The following TSC22D1 variants were observed in gnomAD, a reference collection of about 807,000 sequenced individuals.
TSC22D1 encodes TSC22 domain family member 1.
Under a neutral mutation model 74.2 loss-of-function variants are expected in TSC22D1, and 9 were observed. The ratio of observed to expected loss-of-function variants is 0.12; its 90% CI spans 0.07 to 0.21. TSC22D1 has a LOEUF of 0.21. TSC22D1 is among the 10% of genes least tolerant of loss of function. The pLI, the probability that TSC22D1 is intolerant of heterozygous loss-of-function variation, is 1.00. For missense variants in TSC22D1, 1,427 were observed against 1,304.7 expected, an observed-to-expected ratio of 1.09 and a Z score of -1.44; for synonymous variants, 586 against 492.5, an observed-to-expected ratio of 1.19 and a Z score of -2.51.
At chr13:44,458,565 G>C (rs2138941818) in intron 1 of TSC22D1, among the ~76,000 whole-genome samples, 1 of 152,188 alleles carries the variant, frequency 6.6e-6, no homozygotes, top group African/African-American at 2.4e-5. Context: ...TAGCAGGACA[G>C]AAGCCTGCAC....
intron 1 of TSC22D1, among the ~76,000 whole-genome samples, chr13:44,487,521 A>AAAAAAAG (rs1878496972): frequency 6.8e-6 from 1 of 147,818 alleles, no homozygotes; most frequent in African/African-American, 2.5e-5. Context: ...AAAAAAAAAA[A>AAAAAAAG]AAAAAAGAAA....
chr13:44,556,937 A>G (rs1882685042), intron 1 of TSC22D1, among the ~76,000 whole-genome samples: 1 of 151,576 alleles, frequency 6.6e-6, no homozygotes. Context: ...TGAGGTCGGG[A>G]GTTCGAGACC....
chr13:44,538,764 G>C (rs1881298527), intron 1 of TSC22D1: 2 of 985,400 alleles, frequency 2.0e-6, no homozygotes, highest in Admixed American at 6.1e-5. Flanking sequence ...ATATTGCATG[G>C]ATCCATTCAC....
intron 1 of TSC22D1, among the ~76,000 whole-genome samples, chr13:44,465,908 G>A (rs186680530): frequency 9.2e-5 from 14 of 152,288 alleles, no homozygotes; most frequent in Admixed American, 5.9e-4. Context: ...AGGAGGCAGA[G>A]GTTGCAGTGA....
At chr13:44,527,976 G>A (rs1470724973) in intron 1 of TSC22D1, among the ~76,000 whole-genome samples, 1 of 152,000 alleles carries the variant, frequency 6.6e-6, no homozygotes, top group South Asian at 2.1e-4. Flanking sequence ...TGATAAAGGG[G>A]CCAATACTCC....
At chr13:44,565,985 T>G (rs1281688158) in intron 1 of TSC22D1, among the ~76,000 whole-genome samples, 2 of 152,112 alleles carry the variant, frequency 1.3e-5, no homozygotes, top group African/African-American at 2.4e-5. Flanking sequence ...AATAAATAAA[T>G]AAAACATGTC....
At chr13:44,436,303 G>A (rs919970810) in intron 1 of TSC22D1, 2 of 904,418 alleles carry the variant, frequency 2.2e-6, no homozygotes, top group Non-Finnish European at 3.4e-6. Flanking sequence ...AGCCACAAAG[G>A]ACTAAATTAC....
Position 44,573,570 on chromosome 13 carries a change from C to A in TSC22D1, c.2505G>T (p.Gln835His). The A allele has an allele frequency of 6.2e-7, 1 of 1,614,200 alleles. No homozygotes were observed. The highest frequency in any genetic ancestry group is 8.5e-7 in the Non-Finnish European group (1 of 1,180,046). ...PSASSISVTSQVSSTGPSGMP... is the reference protein window; with the variant it reads ...PSASSISVTSHVSSTGPSGMP... ...TTCCAGAAGGACCAGTTGAACTAAC[C>A]TGACTTGTAACAGAAATACTACTAG... is the stretch of plus-strand genomic sequence containing the variant. The change falls in exon 1 of 3, where the codon CAG (glutamine) becomes CAT (histidine). Residue 835 changes from glutamine to histidine, a missense_variant. Around this residue, in one of 3 missense-constraint regions of TSC22D1, gnomAD observed 1,343 missense variants for 1,191.5 expected, o/e 1.13. Transcript: ENST00000458659.
At chr13:44,534,361 TAAA>T (rs61378692) in intron 1 of TSC22D1, among the ~76,000 whole-genome samples, 250 of 107,254 alleles carry the variant, frequency 2.3e-3, no homozygotes, top group African/African-American at 6.8e-3. Context: ...GACCCCGTCT[TAAA>T]AAAAAAAAAA....
intron 1 of TSC22D1, among the ~76,000 whole-genome samples, chr13:44,495,504 T>A (rs565446970): frequency 8.9e-4 from 136 of 152,298 alleles, no homozygotes; most frequent in Non-Finnish European, 1.7e-3. Flanking sequence ...ACTGTATAGA[T>A]AAATATGAAA....
chr13:44,567,020 C>T (rs1883417935), intron 1 of TSC22D1, among the ~76,000 whole-genome samples: 1 of 151,152 alleles, frequency 6.6e-6, no homozygotes, highest in African/African-American at 2.4e-5. Flanking sequence ...TCCCTAATCC[C>T]AAGAAAAAAA....
At chr13:44,448,528 C>G (rs996033088) in intron 1 of TSC22D1, among the ~76,000 whole-genome samples, 1 of 152,094 alleles carries the variant, frequency 6.6e-6, no homozygotes, top group Non-Finnish European at 1.5e-5. Context: ...TAGTACAGGC[C>G]TAGGTAAGCA....
intron 1 of TSC22D1, among the ~76,000 whole-genome samples, chr13:44,482,502 G>A (rs192461002): frequency 1.0e-3 from 158 of 152,284 alleles, no homozygotes; most frequent in Non-Finnish European, 2.1e-3. Flanking sequence ...TCACGCCACT[G>A]CACTCCAGCC....
intron 1 of TSC22D1, among the ~76,000 whole-genome samples, chr13:44,476,144 C>T (rs983185494): frequency 6.6e-6 from 1 of 152,164 alleles, no homozygotes. Context: ...AAACTGTTTA[C>T]ATCTTAAGGG....
intron 1 of TSC22D1, chr13:44,538,062 G>A (rs1881255135): frequency 3.0e-6 from 3 of 985,104 alleles, no homozygotes; most frequent in Admixed American, 6.2e-5. Context: ...TGACAGCTTG[G>A]ATAAATAACT....
chr13:44,524,543 A>AT (rs1053741637), intron 1 of TSC22D1, among the ~76,000 whole-genome samples: 6 of 152,024 alleles, frequency 3.9e-5, no homozygotes, highest in Admixed American at 6.6e-5. Flanking sequence ...CACTTCCATG[A>AT]TTTTTTTTGT....
rs1487418063 is a variant in TSC22D1, at chr13:44,574,172, T to C, written c.1903A>G (p.Met635Val). 6 of 1,614,034 alleles carry C rather than the reference T, an allele frequency of 3.7e-6. No individual in the cohort carries two copies. Among genetic ancestry groups the C allele is most frequent in the East Asian group, 2.2e-5 (1 of 44,852 alleles). Reference sequence around the variant, plus strand: ...CCTGGGGCCATCTGTGTAGAAACCATTGGTTGCTGTTGTCCATACTGTAAC... The same window carrying C: ...CCTGGGGCCATCTGTGTAGAAACCACTGGTTGCTGTTGTCCATACTGTAAC... ...QQLQYGQQQP[M>V]VSTQMAPGHV... The change falls in exon 1 of 3, where the codon ATG (methionine) becomes GTG (valine). Residue 635 changes from methionine to valine, a missense_variant. Transcript: ENST00000458659.
intron 1 of TSC22D1, among the ~76,000 whole-genome samples, chr13:44,543,268 A>C (rs1316563692): frequency 1.3e-5 from 2 of 152,206 alleles, no homozygotes; most frequent in African/African-American, 2.4e-5. Context: ...ACAGCTTATT[A>C]GTTTTAAGCA....
intron 1 of TSC22D1, among the ~76,000 whole-genome samples, chr13:44,493,129 C>G (rs1308207670): frequency 6.6e-6 from 1 of 152,138 alleles, no homozygotes. Flanking sequence ...GGAAAATAGT[C>G]AAAGGTTTAC....
Sources: allele counts gnomAD v4.1 joint callset (sites outside exome capture counted in the v4.1 genomes callset), GRCh38; gene constraint gnomAD v4.1.1; regional missense constraint gnomAD v4.1.1; transcripts MANE v1.5; gene names NCBI Gene and HGNC (gene_info 2026-07-23, HGNC 2026-07-21).